The following CMSS1 variants were observed in gnomAD, a reference collection of about 807,000 sequenced individuals.
CMSS1 encodes protein CMSS1.
CMSS1 carries 33 observed loss-of-function variants against 43.5 expected under a neutral mutation model. The observed-to-expected ratio is 0.76, with a 90% confidence interval of 0.57 to 1.01. The LOEUF is 1.01. Among genes scored for constraint, CMSS1 ranks in the 50% least tolerant of loss-of-function variants. The pLI is 0.00. For missense variants in CMSS1, 313 were observed against 326.4 expected (o/e 0.96, Z 0.32); for synonymous variants, 115 against 117.2 (o/e 0.98, Z 0.12).
chr3:99,983,833 A>C (rs1709247318), intron 1 of CMSS1, among the ~76,000 whole-genome samples: 1 of 152,042 alleles, frequency 6.6e-6, no homozygotes. Flanking sequence ...AGGAGAATGG[A>C]CCATCTGATG....
intron 1 of CMSS1, among the ~76,000 whole-genome samples, chr3:100,073,976 A>G (rs532322607): frequency 1.3e-5 from 2 of 152,088 alleles, no homozygotes; most frequent in East Asian, 3.9e-4. Flanking sequence ...TTTGCACGCC[A>G]TGGTTCTCCT....
chr3:99,990,805 T>C (rs2107130653), intron 1 of CMSS1, among the ~76,000 whole-genome samples: 1 of 152,322 alleles, frequency 6.6e-6, no homozygotes, highest in South Asian at 2.1e-4. Context: ...CTTTCTGGAA[T>C]TCCATAAAGA....
At chr3:99,927,419 G>C (rs1707328573) in intron 1 of CMSS1, among the ~76,000 whole-genome samples, 2 of 151,420 alleles carry the variant, frequency 1.3e-5, no homozygotes, top group South Asian at 4.2e-4. Flanking sequence ...GTTCAGGCTG[G>C]AGTGCAATGG....
intron 1 of CMSS1, among the ~76,000 whole-genome samples, chr3:100,137,249 G>T (rs1436556303): frequency 6.6e-6 from 1 of 152,218 alleles, no homozygotes; most frequent in Non-Finnish European, 1.5e-5. Flanking sequence ...ACTTTTCAGT[G>T]TGTATAGTGT....
At chr3:100,146,243 T>C (rs1353078313) in intron 1 of CMSS1, among the ~76,000 whole-genome samples, 2 of 152,240 alleles carry the variant, frequency 1.3e-5, no homozygotes, top group African/African-American at 4.8e-5. Context: ...AAACTTTTAT[T>C]TTTCCTGATT....
At chr3:100,017,241 C>A (rs1381660773) in intron 1 of CMSS1, among the ~76,000 whole-genome samples, 1 of 152,166 alleles carries the variant, frequency 6.6e-6, no homozygotes, top group African/African-American at 2.4e-5. Flanking sequence ...AAGTCCCATC[C>A]AGTTGGTCCA....
intron 1 of CMSS1, among the ~76,000 whole-genome samples, chr3:100,031,526 G>A (rs955035669): frequency 5.9e-5 from 9 of 152,096 alleles, no homozygotes; most frequent in South Asian, 2.1e-4. Context: ...AAGAAGCCAC[G>A]TTACAGAACT....
chr3:99,954,058 G>A (rs780714731), intron 1 of CMSS1, among the ~76,000 whole-genome samples: 1 of 152,270 alleles, frequency 6.6e-6, no homozygotes, highest in Non-Finnish European at 1.5e-5. Context: ...AGGAGGAGAA[G>A]GTGGTGGCAT....
At chr3:99,983,734 A>T (rs139317062) in intron 1 of CMSS1, among the ~76,000 whole-genome samples, 200 of 151,118 alleles carry the variant, frequency 1.3e-3, no homozygotes, top group Non-Finnish European at 2.4e-3. Flanking sequence ...ATTTACCTAG[A>T]ATCTCTGTTT....
chr3:99,908,478 A>G (rs1302597091), intron 1 of CMSS1, among the ~76,000 whole-genome samples: 3 of 152,256 alleles, frequency 2.0e-5, no homozygotes, highest in South Asian at 4.2e-4. Context: ...AGGAATCTAT[A>G]CTTTTAAGTG....
At chr3:100,159,896 A>G (rs1330225189) in intron 2 of CMSS1, 2 of 456,658 alleles carry the variant, frequency 4.4e-6, no homozygotes, top group African/African-American at 2.0e-5. Flanking sequence ...AAGGCATTTG[A>G]TGCAGCTGGT....
chr3:99,819,860 T>C (rs1466685222), intron 1 of CMSS1, among the ~76,000 whole-genome samples: 1 of 151,702 alleles, frequency 6.6e-6, no homozygotes. Context: ...GTTCAAGCGA[T>C]TCTCCTGCCT....
chr3:99,934,903 G>A (rs1010255854), intron 1 of CMSS1, among the ~76,000 whole-genome samples: 2 of 152,100 alleles, frequency 1.3e-5, no homozygotes, highest in Non-Finnish European at 2.9e-5. Flanking sequence ...TGGAGGCTGG[G>A]GATAGTAGCA....
intron 1 of CMSS1, among the ~76,000 whole-genome samples, chr3:99,893,256 C>T (rs184385664): frequency 0.017 from 2,512 of 151,098 alleles, 41 homozygotes; most frequent in Middle Eastern, 0.027. Context: ...ACCTCCGCCT[C>T]CCGGGTTCAC....
At chr3:100,021,960 T>TGTGTGTGTGAGA (rs1321185364) in intron 1 of CMSS1, among the ~76,000 whole-genome samples, 40 of 93,320 alleles carry the variant, frequency 4.3e-4, no homozygotes, top group East Asian at 1.4e-3. Flanking sequence ...TGTGTGTGTG[T>TGTGTGTGTGAGA]GAGAGAGAGA....
chr3:100,159,201 A>G (rs1416237209), intron 2 of CMSS1, among the ~76,000 whole-genome samples: 3 of 152,360 alleles, frequency 2.0e-5, no homozygotes, highest in South Asian at 4.1e-4. Context: ...TTCTTTAGCT[A>G]TGATGCAATT....
chr3:100,128,145 C>G (rs2066677627), intron 1 of CMSS1, among the ~76,000 whole-genome samples: 2 of 152,212 alleles, frequency 1.3e-5, no homozygotes, highest in African/African-American at 4.8e-5. Flanking sequence ...AGCACAATGC[C>G]AGCCTTTCTC....
intron 1 of CMSS1, among the ~76,000 whole-genome samples, chr3:100,044,181 G>A (rs536651277): frequency 6.2e-4 from 95 of 152,148 alleles, no homozygotes; most frequent in Non-Finnish European, 7.6e-4. Context: ...TACTTGCCTC[G>A]TTTATTCATT....
intron 1 of CMSS1, among the ~76,000 whole-genome samples, chr3:99,840,944 A>G (rs543933754): frequency 6.6e-6 from 1 of 152,320 alleles, no homozygotes; most frequent in African/African-American, 2.4e-5. Context: ...AGAGATTGAC[A>G]GTTTCCCACT....
Sources: gnomAD v4.1 joint callset for allele counts (sites outside exome capture counted in the v4.1 genomes callset) on GRCh38, gnomAD v4.1.1 for gene constraint, MANE v1.5 for transcripts, NCBI Gene and HGNC (gene_info 2026-07-23, HGNC 2026-07-21) for gene names.